Variants in AGO3 observed in about 807,000 individuals in gnomAD.
The protein encoded by AGO3 is protein argonaute-3.
Under a neutral mutation model 105.5 loss-of-function variants are expected in AGO3, and 16 were observed. The ratio of observed to expected loss-of-function variants is 0.15; its 90% CI spans 0.10 to 0.23. AGO3 has a LOEUF of 0.23. AGO3 is among the 10% of genes least tolerant of loss of function. The pLI is 1.00. For missense variants in AGO3, 534 were observed against 1,088.0 expected (o/e 0.49, Z 7.16); for synonymous variants, 340 against 367.3 (o/e 0.93, Z 0.85).
chr1:36,009,352 A>G (rs1640482463), intron 8 of AGO3, 123 bp from the exon 9 acceptor site: 3 of 1,126,264 alleles, frequency 2.7e-6, no homozygotes, highest in Admixed American at 2.8e-5. Flanking sequence ...TTTACTTAAC[A>G]TATTGAAAAT....
At chr1:35,931,540 G>T in intron 1 of AGO3, 95 bp downstream of exon 1, 1 of 1,261,460 alleles carries the variant, frequency 7.9e-7, no homozygotes, top group Non-Finnish European at 1.0e-6. Context: ...TGCGCGAGGT[G>T]AGCGTCGGGC....
chr1:36,031,824 A>C (rs1641790726), intron 12 of AGO3, among the ~76,000 whole-genome samples: 1 of 144,664 alleles, frequency 6.9e-6, no homozygotes, highest in Non-Finnish European at 1.5e-5. Context: ...AGGTTCATCC[A>C]TGTTGTACTA....
chr1:36,061,192 G>T lies in AGO3; in HGVS notation c.*5447G>T, dbSNP rs528636047. ...GGAAGCAGGGAGGGGGAGTGTGTGT[G>T]TGTGTATATGTATGAGTGTGTATAT... On this transcript the variant is annotated 3_prime_UTR_variant, in exon 19 of 19. Coordinates refer to ENST00000373191, the MANE Select transcript of AGO3 (RefSeq NM_024852.4). 1 of 152,206 alleles carries T rather than the reference G, an allele frequency of 6.6e-6. No individual in the cohort carries two copies. Among genetic ancestry groups the T allele is most frequent in the East Asian group, 1.9e-4 (1 of 5,192 alleles). 9.4% of individuals were successfully genotyped at this position (152,206 alleles called of 1,614,324 possible). A position where few individuals can be genotyped will look rare whatever the true frequency, so the allele number is the denominator to read the frequency against.
intron 2 of AGO3, among the ~76,000 whole-genome samples, chr1:35,958,225 A>T (rs1157766258): frequency 6.6e-6 from 1 of 151,888 alleles, no homozygotes; most frequent in African/African-American, 2.4e-5. Context: ...TACTAAAAAT[A>T]AAAAAATTAG....
Position 36,040,824 on chromosome 1 carries a change from G to A in AGO3, c.2172+383G>A, listed in dbSNP as rs1569907013. Among the ~76,000 whole-genome samples, 3 of 152,200 alleles carry A rather than the reference G, an allele frequency of 2.0e-5. No individual in the cohort carries two copies. The South Asian group carries it at 6.2e-4, about 32-fold the overall frequency. ...ACAGTGGCTCACACCTGTAATTCCA[G>A]CACCTTGGGAGGCCAAGGCAGGCAG... On this transcript the variant is annotated intron_variant, in intron 16 of 18. Coordinates refer to ENST00000373191, the MANE Select transcript of AGO3 (RefSeq NM_024852.4).
At chr1:35,951,804 A>G (rs1450305933) in intron 2 of AGO3, among the ~76,000 whole-genome samples, 1 of 152,290 alleles carries the variant, frequency 6.6e-6, no homozygotes. Context: ...TGCTGTTAGG[A>G]ATGTCATTTT....
In AGO3 at chr1:36,059,622, T is replaced by C. The variant is rs1643001768; in HGVS notation, c.*3877T>C. ...GTATATTCTTGATGGTTAATGTGTC[T>C]ACATAAAGTGCTGATACATGTATTA... On this transcript the variant is annotated 3_prime_UTR_variant, in exon 19 of 19. Coordinates refer to ENST00000373191, the MANE Select transcript of AGO3 (RefSeq NM_024852.4). 1 of 151,806 alleles carries C rather than the reference T, an allele frequency of 6.6e-6. No homozygotes were observed. Among genetic ancestry groups the C allele is most frequent in the Non-Finnish European group, 1.5e-5 (1 of 67,980 alleles). 9.4% of individuals were successfully genotyped at this position (151,806 alleles called of 1,614,324 possible).
chr1:36,024,587 G>A (rs542839042), intron 11 of AGO3, among the ~76,000 whole-genome samples: 3 of 152,266 alleles, frequency 2.0e-5, no homozygotes, highest in South Asian at 4.1e-4. Flanking sequence ...AAATTCGGCT[G>A]TCATGAAAGA....
chr1:36,051,680 AC>A (rs1238570433), intron 17 of AGO3, among the ~76,000 whole-genome samples: 4 of 152,174 alleles, frequency 2.6e-5, no homozygotes, highest in African/African-American at 9.7e-5. Context: ...GGGCAACAGA[AC>A]AAGACTCTGT....
intron 1 of AGO3, among the ~76,000 whole-genome samples, chr1:35,933,235 A>G (rs1313910366): frequency 6.6e-6 from 1 of 152,240 alleles, no homozygotes; most frequent in Non-Finnish European, 1.5e-5. Flanking sequence ...AAGATAAGCT[A>G]TACTTTGGCT....
chr1:35,962,229 A>G (rs1275459915), intron 2 of AGO3, among the ~76,000 whole-genome samples: 2 of 152,150 alleles, frequency 1.3e-5, no homozygotes, highest in African/African-American at 2.4e-5. Flanking sequence ...ACCCTGCCCC[A>G]TAATAAACAC....
At chr1:35,958,540 A>G (rs1009473514) in intron 2 of AGO3, among the ~76,000 whole-genome samples, 1 of 152,040 alleles carries the variant, frequency 6.6e-6, no homozygotes, top group Non-Finnish European at 1.5e-5. Context: ...ACACTCCTGT[A>G]GTCCCAGCTA....
chr1:36,005,805 G>A, intron 6 of AGO3: 1 of 985,258 alleles, frequency 1.0e-6, no homozygotes, highest in South Asian at 4.7e-5. Flanking sequence ...GGGGCCCAAA[G>A]AAATGACTGA....
intron 3 of AGO3, among the ~76,000 whole-genome samples, chr1:35,968,960 C>T (rs550829418): frequency 1.5e-4 from 22 of 151,036 alleles, no homozygotes; most frequent in African/African-American, 4.4e-4. Flanking sequence ...GAGATGATAT[C>T]TCATTGTGGT....
intron 1 of AGO3, among the ~76,000 whole-genome samples, chr1:35,939,699 G>A (rs948698989): frequency 1.4e-4 from 21 of 152,084 alleles, no homozygotes; most frequent in African/African-American, 4.6e-4. Context: ...CAATGGGATA[G>A]TAAGAAGAGA....
Position 36,034,317 on chromosome 1 carries a change from C to A in AGO3, c.1735C>A (p.Leu579Ile), listed in dbSNP as rs1641911139. ...NVKLGGINNI[L>I]VPHQRPSVFQ... The stretch of plus-strand genomic sequence containing the variant: ...TAAACTCGGAGGGATCAATAATATT[C>A]TTGTACCTCATCAAAGGTAAGATAT... Residue 579 changes from leucine to isoleucine, a missense_variant, in exon 13 of 19, where the codon CTT (leucine) becomes ATT (isoleucine). Leu to Ile is a conservative substitution (Grantham distance 5). Transcript: ENST00000373191. 1 of 1,595,652 alleles carries A rather than the reference C, an allele frequency of 6.3e-7. No individual in the cohort carries two copies. The highest frequency in any genetic ancestry group is 1.1e-5 in the South Asian group (1 of 87,150).
At chr1:36,037,053 G>GCT (rs111554580) in intron 14 of AGO3, among the ~76,000 whole-genome samples, 10,117 of 151,906 alleles carry the variant, frequency 0.067, 1,104 homozygotes, top group African/African-American at 0.23. Flanking sequence ...TTATTTCTTT[G>GCT]CTCTCTGTGT....
intron 1 of AGO3, among the ~76,000 whole-genome samples, chr1:35,937,820 T>C (rs1383635445): frequency 1.3e-5 from 2 of 152,196 alleles, no homozygotes; most frequent in African/African-American, 4.8e-5. Context: ...ACAGATTCAT[T>C]GAATGAAAAA....
chr1:36,022,062 C>CT (rs34538981), intron 11 of AGO3, among the ~76,000 whole-genome samples: 80,084 of 110,396 alleles, frequency 0.73, 30,901 homozygotes, highest in Middle Eastern at 0.87. Context: ...AGTTGGGGGC[C>CT]TTTTTTTTTT....
Sources: allele counts gnomAD v4.1 joint callset (sites outside exome capture counted in the v4.1 genomes callset), GRCh38; gene constraint gnomAD v4.1.1; transcripts MANE v1.5; gene names NCBI Gene and HGNC (gene_info 2026-07-23, HGNC 2026-07-21).